COG4: variants seen among roughly 807,000 people sequenced by gnomAD.
The protein encoded by COG4 is conserved oligomeric Golgi complex subunit 4.
COG4 carries 65 observed loss-of-function variants against 95.1 expected under a neutral mutation model. The observed-to-expected ratio is 0.68, with a 90% CI of 0.56 to 0.84. The LOEUF is 0.84. COG4 is among the 40% of genes least tolerant of loss of function. The pLI is 0.00. For missense variants in COG4, 1,045 were observed against 989.1 expected (o/e 1.06, Z -0.76); for synonymous variants, 421 against 374.8 (o/e 1.12, Z -1.42).
rs190634652 is a variant in COG4 at position 70,512,188 on chromosome 16, C to G, written c.738+51G>C. The G allele has an allele frequency of 1.6e-4, 245 of 1,558,114 alleles. 2 individuals carry two copies. Among genetic ancestry groups the G allele is most frequent in the South Asian group, 1.5e-3 (139 of 89,878 alleles). ...AACTGGATCCATCCAGTGCCCCAAT[C>G]TGCAGGCAGACAGCCACACAATTAT... On this transcript the variant is annotated intron_variant, in intron 5 of 18. Coordinates refer to ENST00000323786, the MANE Select transcript of COG4 (RefSeq NM_015386.3).
At chr16:70,485,205 CTTTT>C (rs1262821692) in intron 13 of COG4, among the ~76,000 whole-genome samples, 10 of 130,386 alleles carry the variant, frequency 7.7e-5, no homozygotes, top group South Asian at 2.5e-4. Context: ...CCCTGTCTCT[CTTTT>C]TTTTTTTTTT....
chr16:70,481,615 C>T (rs956451669), intron 17 of COG4, 128 bp from the exon 18 acceptor site: 46 of 1,463,418 alleles, frequency 3.1e-5, no homozygotes, highest in South Asian at 5.8e-5. Context: ...GTTTGCTCTA[C>T]GGCTTCAGAA....
rs753590064 is a variant in COG4 at position 70,512,373 on chromosome 16, T to C, written c.604A>G (p.Ile202Val). The change falls in exon 5 of 19, where the codon ATT (isoleucine) becomes GTT (valine). Residue 202 changes from isoleucine to valine, a missense_variant. Physicochemically the swap from Ile to Val is conservative, Grantham distance 29. Coordinates refer to ENST00000323786, the MANE Select transcript of COG4 (RefSeq NM_015386.3). Reference protein sequence around the residue: ...LQEAEQRLKAIVAEKFAIATK... With the variant: ...LQEAEQRLKAVVAEKFAIATK... ...GCAATGGCAAACTTCTCTGCCACAA[T>C]GGCTTTGAGACGTTGCTCAGCTTCC... is the stretch of plus-strand genomic sequence containing the variant. The C allele has an allele frequency of 3.7e-6, 6 of 1,614,078 alleles. No individual in the cohort carries two copies. In the African/African-American group the frequency reaches 6.7e-5, roughly 18 times the overall value.
chr16:70,512,961 G>A (rs1461049226), intron 4 of COG4, among the ~76,000 whole-genome samples: 1 of 152,216 alleles, frequency 6.6e-6, no homozygotes, highest in East Asian at 1.9e-4. Flanking sequence ...CGGCAAAAGA[G>A]TGAGACTCCG....
intron 13 of COG4, 138 bp downstream of exon 13, chr16:70,490,192 T>G: frequency 1.3e-6 from 1 of 759,358 alleles, no homozygotes; most frequent in Non-Finnish European, 2.4e-6. Flanking sequence ...CTTGCTATCA[T>G]GTCAGTCACC....
intron 4 of COG4, among the ~76,000 whole-genome samples, chr16:70,513,406 G>A (rs1310503601): frequency 6.6e-6 from 1 of 152,128 alleles, no homozygotes; most frequent in Non-Finnish European, 1.5e-5. Flanking sequence ...CCATAAAATG[G>A]GAATACAGTA....
chr16:70,500,881 A>G, intron 9 of COG4, 77 bp downstream of exon 9: 1 of 1,555,676 alleles, frequency 6.4e-7, no homozygotes, highest in Non-Finnish European at 8.9e-7. Flanking sequence ...CCTTAATAAG[A>G]GATTTGTGGC....
At chr16:70,482,530 A>C in intron 15 of COG4, 199 bp downstream of exon 15, 1 of 645,202 alleles carries the variant, frequency 1.5e-6, no homozygotes, top group Non-Finnish European at 2.8e-6. Flanking sequence ...AGGTCAAGGC[A>C]AACTCCATGT....
At chr16:70,514,545 A>G (rs1457536725) in intron 3 of COG4, 36 bp from the exon 4 acceptor site, 9 of 1,600,752 alleles carry the variant, frequency 5.6e-6, no homozygotes, top group African/African-American at 2.7e-5. Context: ...ACAATGTCCT[A>G]TTCTTTCAAA....
At chr16:70,482,364 G>A in intron 15 of COG4, 189 bp from the exon 16 acceptor site, 1 of 666,140 alleles carries the variant, frequency 1.5e-6, no homozygotes, top group Non-Finnish European at 2.7e-6. Flanking sequence ...GCCCAGGGCT[G>A]TAGCAGTGGC....
intron 3 of COG4, 140 bp from the exon 4 acceptor site, chr16:70,514,649 C>G (rs2049786223): frequency 4.2e-6 from 3 of 717,218 alleles, no homozygotes; most frequent in Non-Finnish European, 5.0e-6. Context: ...ACTGTTAACG[C>G]AACTGTTATT....
chr16:70,482,917 T>A (rs1379825037), intron 14 of COG4, 96 bp from the exon 15 acceptor site: 3 of 794,078 alleles, frequency 3.8e-6, no homozygotes, highest in Non-Finnish European at 6.1e-6. Flanking sequence ...CCTCTCCCCA[T>A]CCCTTTCCTC....
chr16:70,511,697 C>T (rs1223238132), intron 5 of COG4, among the ~76,000 whole-genome samples: 1 of 151,868 alleles, frequency 6.6e-6, no homozygotes, highest in Admixed American at 6.6e-5. Flanking sequence ...CTTTGGGAGG[C>T]CGAGGTGGGC....
chr16:70,521,999 C>CTT (rs772349524), intron 1 of COG4, among the ~76,000 whole-genome samples: 4 of 138,202 alleles, frequency 2.9e-5, no homozygotes, highest in South Asian at 2.3e-4. Flanking sequence ...CCGCGCCAGG[C>CTT]TTTTTTTTTT....
chr16:70,483,813 C>T (rs1230147659), intron 14 of COG4, 40 bp downstream of exon 14: 5 of 1,441,308 alleles, frequency 3.5e-6, no homozygotes, highest in Non-Finnish European at 4.9e-6. Flanking sequence ...GAGCAACACA[C>T]AGGCACAGGA....
At chr16:70,510,760 A>G (rs554273580) in intron 5 of COG4, among the ~76,000 whole-genome samples, 13 of 150,190 alleles carry the variant, frequency 8.7e-5, no homozygotes, top group African/African-American at 2.9e-4. Flanking sequence ...ACCATAGAGC[A>G]GGTTTCCTTT....
At chr16:70,508,881 A>AT in intron 7 of COG4, 1 of 536,654 alleles carries the variant, frequency 1.9e-6, no homozygotes, top group Non-Finnish European at 3.5e-6. Context: ...ATTGGAGACA[A>AT]TTACTTGGAC....
intron 2 of COG4, among the ~76,000 whole-genome samples, chr16:70,518,862 A>G (rs2049877967): frequency 6.6e-6 from 1 of 151,962 alleles, no homozygotes. Flanking sequence ...CTGGAATCCC[A>G]GCTACTCGAG....
At chr16:70,518,960 A>T (rs28777081) in intron 2 of COG4, among the ~76,000 whole-genome samples, 17,857 of 151,138 alleles carry the variant, frequency 0.12, 3,544 homozygotes, top group African/African-American at 0.41. Context: ...CTGGGGGACA[A>T]AAACGAAGCT....
Sources: gnomAD v4.1 joint callset for allele counts (sites outside exome capture counted in the v4.1 genomes callset) on GRCh38, gnomAD v4.1.1 for gene constraint, MANE v1.5 for transcripts, NCBI Gene and HGNC (gene_info 2026-07-23, HGNC 2026-07-21) for gene names.